The following TANC1 variants were observed in gnomAD, a reference collection of about 807,000 sequenced individuals.
TANC1 encodes the protein tetratricopeptide repeat, ankyrin repeat and coiled-coil containing 1, also known as protein TANC1.
Under a neutral mutation model 149.7 loss-of-function variants are expected in TANC1, and 77 were observed. That is an observed-to-expected ratio of 0.51 (90% CI 0.43 to 0.62). The LOEUF (loss-of-function observed/expected upper bound fraction) is 0.62, where lower values mean the gene tolerates loss of function less well. TANC1 is among the 20% of genes least tolerant of loss of function. TANC1 has a pLI of 0.00. For synonymous variants in TANC1, 854 were observed against 925.0 expected (o/e 0.92, Z 1.39); for missense variants, 1,985 against 2,321.8 (o/e 0.85, Z 2.98).
chr2:159,219,515 C>T (rs2303334), intron 21 of TANC1, 154 bp downstream of exon 21: 1 of 1,244,946 alleles, frequency 8.0e-7, no homozygotes, highest in Non-Finnish European at 1.1e-6. Flanking sequence ...AGCCACATGC[C>T]TGGTATTCCT....
At chr2:159,070,539 A>C (rs542822107) in intron 3 of TANC1, among the ~76,000 whole-genome samples, 1 of 152,330 alleles carries the variant, frequency 6.6e-6, no homozygotes, top group African/African-American at 2.4e-5. Flanking sequence ...TCATGGCTCT[A>C]AAAATCCTGT....
rs772148718 is a variant in TANC1, at chr2:159,228,769, G to A, written c.4051-27G>A. On this transcript the variant is annotated intron_variant, in intron 25 of 26. Coordinates refer to ENST00000263635, the MANE Select transcript of TANC1 (RefSeq NM_033394.3). ...ACAATCGTGTGTCCAGGCTGCTTCT[G>A]ACTCCTGTATTTCTTGTCGACACCA... 7 of 1,561,730 alleles carry A rather than the reference G, an allele frequency of 4.5e-6. No individual in the cohort carries two copies. In the African/African-American group the frequency reaches 6.8e-5, roughly 15 times the overall value.
chr2:159,168,299 ATT>A (rs35670582), intron 8 of TANC1, among the ~76,000 whole-genome samples: 10 of 130,366 alleles, frequency 7.7e-5, no homozygotes, highest in East Asian at 4.3e-4. Flanking sequence ...TAGATCTTTA[ATT>A]TTTTTTTTTT....
intron 19 of TANC1, among the ~76,000 whole-genome samples, chr2:159,205,905 G>A (rs192363745): frequency 1.0e-3 from 159 of 152,358 alleles, no homozygotes; most frequent in African/African-American, 3.7e-3. Context: ...GGAGGATGCT[G>A]TAGAGAAAAC....
chr2:159,197,279 T>C (rs1559441297), intron 18 of TANC1, among the ~76,000 whole-genome samples: 1 of 152,252 alleles, frequency 6.6e-6, no homozygotes, highest in Admixed American at 6.5e-5. Context: ...GAAAACTCCA[T>C]GCAGTAGTTA....
At chr2:159,141,262 C>T (rs1225082100) in intron 5 of TANC1, among the ~76,000 whole-genome samples, 1 of 152,202 alleles carries the variant, frequency 6.6e-6, no homozygotes, top group African/African-American at 2.4e-5. Flanking sequence ...CAAGCTCCCT[C>T]ATTTATAAGG....
intron 5 of TANC1, among the ~76,000 whole-genome samples, chr2:159,143,469 C>T (rs936447149): frequency 7.0e-6 from 1 of 142,956 alleles, no homozygotes; most frequent in African/African-American, 2.6e-5. Context: ...CTGTTTCCAG[C>T]ACTTGGGGAG....
Position 159,230,794 on chromosome 2 carries a change from C to G in TANC1, c.5368C>G (p.Leu1790Val), listed in dbSNP as rs1559507219. ...NQAKTCSVST[L>V]SASVHNGAQV... is the part of the protein sequence containing the mutation. Reference sequence around the variant, plus strand: ...AGCCAAAACCTGTTCTGTTTCTACCCTGAGTGCAAGTGTCCACAATGGGGC... The same window carrying G: ...AGCCAAAACCTGTTCTGTTTCTACCGTGAGTGCAAGTGTCCACAATGGGGC... Residue 1790 changes from leucine to valine, a missense_variant, in exon 27 of 27, where the codon CTG (leucine) becomes GTG (valine). Coordinates refer to ENST00000263635, the MANE Select transcript of TANC1 (RefSeq NM_033394.3). The surrounding 1 kb of genome is among the most constrained non-coding windows in gnomAD (Gnocchi z 4.4). 1.2e-6 allele frequency: 2 copies of G among 1,614,198 alleles called. No homozygotes were observed. Among genetic ancestry groups the G allele is most frequent in the East Asian group, 2.2e-5 (1 of 44,888 alleles).
chr2:159,042,334 G>A (rs2149534949), intron 2 of TANC1, among the ~76,000 whole-genome samples: 1 of 152,290 alleles, frequency 6.6e-6, no homozygotes, highest in East Asian at 1.9e-4. Context: ...ACTTGGGCAG[G>A]AGCCTAGTTG....
chr2:159,199,359 C>T (rs2058083697), intron 19 of TANC1, among the ~76,000 whole-genome samples: 1 of 152,204 alleles, frequency 6.6e-6, no homozygotes, highest in Admixed American at 6.5e-5. Flanking sequence ...TTTGCCAAAT[C>T]TCACACATCT....
intron 2 of TANC1, among the ~76,000 whole-genome samples, chr2:159,026,526 C>T (rs946856869): frequency 2.0e-5 from 3 of 152,182 alleles, no homozygotes; most frequent in Non-Finnish European, 4.4e-5. Flanking sequence ...ATACCTGAGA[C>T]TCAGCAATTT....
intron 2 of TANC1, among the ~76,000 whole-genome samples, chr2:159,028,467 A>G (rs2149466816): frequency 6.6e-6 from 1 of 152,340 alleles, no homozygotes; most frequent in Non-Finnish European, 1.5e-5. Flanking sequence ...AAAATGAAAC[A>G]GTAGAAAGGA....
At chr2:159,182,207 C>A (rs1478618382) in intron 14 of TANC1, among the ~76,000 whole-genome samples, 4 of 149,844 alleles carry the variant, frequency 2.7e-5, no homozygotes, top group South Asian at 2.1e-4. Context: ...AAAACTGTCT[C>A]AAAAAAAAAG....
intron 17 of TANC1, 24 bp from the exon 18 acceptor site, chr2:159,196,584 A>G: frequency 6.3e-7 from 1 of 1,580,348 alleles, no homozygotes; most frequent in Non-Finnish European, 8.6e-7. Context: ...CTCAGCTGTA[A>G]CCTTCCCCTA....
intron 1 of TANC1, among the ~76,000 whole-genome samples, chr2:158,981,177 A>G (rs535917844): frequency 3.3e-5 from 5 of 152,084 alleles, no homozygotes; most frequent in Admixed American, 3.3e-4. Context: ...TCAGAGCAGC[A>G]TGGTGAGTCA....
chr2:159,037,307 A>T (rs1197269865), intron 2 of TANC1, among the ~76,000 whole-genome samples: 1 of 152,136 alleles, frequency 6.6e-6, no homozygotes. Flanking sequence ...CCCATTCTGT[A>T]GGTTGCCAGT....
Position 159,042,267 on chromosome 2 carries a change from C to T in TANC1, c.-15-23629C>T, listed in dbSNP as rs531342310. Among the ~76,000 whole-genome samples, 18 of 152,272 alleles carry T rather than the reference C, an allele frequency of 1.2e-4. No homozygotes were observed. The South Asian group carries it at 3.5e-3, about 30-fold the overall frequency. ...TGCCCTGCCAAGGTGGTTTTTTTGG[C>T]CCAAACGTGACTGCACATGATCCCG... is the stretch of plus-strand genomic sequence containing the variant. On this transcript the variant is annotated intron_variant, in intron 2 of 26. Transcript: ENST00000263635.
chr2:159,113,460 C>A (rs1000134717), intron 4 of TANC1, among the ~76,000 whole-genome samples: 6 of 152,132 alleles, frequency 3.9e-5, no homozygotes, highest in African/African-American at 1.4e-4. Flanking sequence ...AGGAGAATAA[C>A]CTACCTACCA....
chr2:159,075,617 C>T (rs1228343390), intron 3 of TANC1, among the ~76,000 whole-genome samples: 1 of 152,050 alleles, frequency 6.6e-6, no homozygotes, highest in East Asian at 1.9e-4. Context: ...ATAATACTTA[C>T]AAGCAAATAA....
Sources: allele counts gnomAD v4.1 joint callset (sites outside exome capture counted in the v4.1 genomes callset), GRCh38; gene constraint gnomAD v4.1.1; non-coding constraint Gnocchi (gnomAD v3.1); transcripts MANE v1.5; gene names NCBI Gene and HGNC (gene_info 2026-07-23, HGNC 2026-07-21).